ARHGEF6: variants seen among roughly 807,000 people sequenced by gnomAD.
ARHGEF6 encodes the protein rho guanine nucleotide exchange factor 6.
Under a neutral mutation model 70.3 loss-of-function variants are expected in ARHGEF6, and 9 were observed. The observed-to-expected ratio is 0.13, with a 90% CI of 0.08 to 0.22. The LOEUF (loss-of-function observed/expected upper bound fraction) is 0.22, where lower values mean the gene tolerates loss of function less well. Among genes scored for constraint, ARHGEF6 ranks in the 10% least tolerant of loss-of-function variants. The probability of loss-of-function intolerance (pLI) is 1.00; values close to 1 mark genes in which losing one functional copy is unlikely to be tolerated. For synonymous variants in ARHGEF6, 201 were observed against 207.8 expected (o/e 0.97, Z 0.28); for missense variants, 470 against 563.0 (o/e 0.83, Z 1.67).
chrX:136,727,335 TTCTTTCTTTC>T (rs2076867164), intron 6 of ARHGEF6, among the ~76,000 whole-genome samples: 1 of 34,774 alleles, frequency 2.9e-5, no homozygotes, highest in African/African-American at 1.1e-4. Flanking sequence ...TTTTCTTTCT[TTCTTTCTTTC>T]TTTCTTTCTT....
intron 21 of ARHGEF6, 120 bp downstream of exon 21, chrX:136,669,362 G>A: frequency 3.2e-6 from 2 of 632,564 alleles, no homozygotes; most frequent in East Asian, 3.3e-5. Flanking sequence ...ATGACACAAG[G>A]AAAACAAAAA....
chrX:136,701,483 TGAAGGAAAAAAATGACAACCTA>T (rs1218681814), intron 9 of ARHGEF6, among the ~76,000 whole-genome samples: 1 of 110,924 alleles, frequency 9.0e-6, no homozygotes, highest in Non-Finnish European at 1.9e-5. Context: ...TTTAAAGTGT[TGAAGGAAAAAAATGACAACCTA>T]GAATTCTGAA....
chrX:136,680,819 C>A lies in ARHGEF6; in HGVS notation c.1616G>T (p.Trp539Leu). 1 of 1,211,698 alleles carries A rather than the reference C, an allele frequency of 8.3e-7. No homozygotes were observed. The highest frequency in any genetic ancestry group is 1.8e-5 in the South Asian group (1 of 56,993). The change falls in exon 15 of 22, where the codon TGG (tryptophan) becomes TTG (leucine). Residue 539 changes from tryptophan to leucine, a missense_variant. Physicochemically the swap from Trp to Leu is moderately conservative, Grantham distance 61. Around this residue, in one of 3 missense-constraint regions of ARHGEF6, gnomAD observed 379 missense variants for 449.3 expected, o/e 0.84. Transcript: ENST00000250617. ...GATCAGTCTGTTCAGCTGCTCCAACCATTCCTGGAAGTCCTGGTTGTTGTT... is the reference window on the plus strand; with the variant it reads ...GATCAGTCTGTTCAGCTGCTCCAACAATTCCTGGAAGTCCTGGTTGTTGTT... ...HCNNNQDFQE[W>L]LEQLNRLIRG...
At chrX:136,720,056 A>C (rs1806327815) in intron 6 of ARHGEF6, among the ~76,000 whole-genome samples, 1 of 112,013 alleles carries the variant, frequency 8.9e-6, no homozygotes, top group Admixed American at 9.5e-5. Flanking sequence ...AATTCTACTA[A>C]ACATTTAAGG....
In ARHGEF6 at chrX:136,767,590, G is replaced by A. The variant is rs2077330402; in HGVS notation, c.249+11824C>T. ...GGGGGTGCCGGAGGCGCGCCCCGCTGGGTGCGCTGGCTGCGAGCCGGGCGA... is the reference window on the plus strand; with the variant it reads ...GGGGGTGCCGGAGGCGCGCCCCGCTAGGTGCGCTGGCTGCGAGCCGGGCGA... On this transcript the variant is annotated intron_variant, in intron 2 of 21. Coordinates refer to ENST00000250617, the MANE Select transcript of ARHGEF6 (RefSeq NM_004840.3). The A allele has an allele frequency of 1.5e-5, 11 of 753,379 alleles. No individual in the cohort carries two copies. The South Asian group carries it at 6.8e-4, about 46-fold the overall frequency. The allele number at this position is 753,379 out of a possible 1,213,427, so 62.1% of individuals were successfully genotyped here. A position where few individuals can be genotyped will look rare whatever the true frequency, so the allele number is the denominator to read the frequency against.
chrX:136,713,498 G>A, intron 6 of ARHGEF6, 128 bp from the exon 7 acceptor site: 2 of 493,185 alleles, frequency 4.1e-6, no homozygotes, highest in Non-Finnish European at 7.0e-6. Context: ...TTGCAAGCAA[G>A]GAACACAAAA....
intron 20 of ARHGEF6, among the ~76,000 whole-genome samples, chrX:136,670,076 C>G (rs751005913): frequency 1.5e-4 from 17 of 111,607 alleles, no homozygotes; most frequent in African/African-American, 5.5e-4. Flanking sequence ...GGTATTGGTT[C>G]AAGGACCCCC....
At chrX:136,747,656 T>G (rs1473189986) in intron 2 of ARHGEF6, 64 bp from the exon 3 acceptor site, 2 of 372,901 alleles carry the variant, frequency 5.4e-6, no homozygotes, top group East Asian at 1.3e-4. Flanking sequence ...AACAAAACTA[T>G]CAAAAGGCCA....
chrX:136,779,470 C>T lies in ARHGEF6; in HGVS notation c.193G>A (p.Asp65Asn). 8.3e-6 allele frequency: 10 copies of T among 1,211,164 alleles called. No individual in the cohort carries two copies. Among genetic ancestry groups the T allele is most frequent in the Non-Finnish European group, 1.0e-5 (9 of 895,029 alleles). ...AAGTCATTGATGTTGTTGATGCAGT[C>T]AGCTTCAGTTTGGGGATCCAGACAA... ...KFCLDPQTEA[D>N]CINNINDFLK... The change falls in exon 2 of 22, where the codon GAC becomes AAC. Residue 65 changes from aspartate (D) to asparagine (N), a missense_variant. This residue lies in a region of ARHGEF6 where 379 missense variants were observed against 449.3 expected (regional missense o/e 0.84). Coordinates refer to ENST00000250617, the MANE Select transcript of ARHGEF6 (RefSeq NM_004840.3).
intron 2 of ARHGEF6, among the ~76,000 whole-genome samples, chrX:136,750,214 C>T (rs970083881): frequency 3.6e-5 from 4 of 112,178 alleles, no homozygotes; most frequent in African/African-American, 9.7e-5. Context: ...TTTTCTAGGA[C>T]TAATCCCACT....
At chrX:136,685,147 T>C (rs1300331329) in intron 12 of ARHGEF6, among the ~76,000 whole-genome samples, 1 of 111,473 alleles carries the variant, frequency 9.0e-6, no homozygotes, top group Non-Finnish European at 1.9e-5. Flanking sequence ...ATTTCTGTTC[T>C]CTCCTAAGAT....
chrX:136,677,934 A>G lies in ARHGEF6; in HGVS notation c.1851+2T>C, dbSNP rs2076296387. 8.3e-7 allele frequency: 1 copy of G among 1,199,821 alleles called. No homozygotes were observed. The highest frequency in any genetic ancestry group is 1.1e-6 in the Non-Finnish European group (1 of 885,992). On this transcript the variant is annotated splice_donor_variant, in intron 17 of 21. Transcript: ENST00000250617. LOFTEE classifies it high-confidence loss of function. ...AAGCCAAAGATATTGTACTACCCTT[A>G]CCTTTAAGATATAAGACATCCTCTA...
At chrX:136,684,424 CAG>C (rs1247266321) in intron 12 of ARHGEF6, among the ~76,000 whole-genome samples, 1 of 111,981 alleles carries the variant, frequency 8.9e-6, no homozygotes, top group African/African-American at 3.3e-5. Context: ...AAAGACGTGT[CAG>C]AGAGCGTAGG....
At chrX:136,730,250 C>T (rs944994066) in intron 6 of ARHGEF6, among the ~76,000 whole-genome samples, 1 of 111,077 alleles carries the variant, frequency 9.0e-6, no homozygotes, top group Non-Finnish European at 1.9e-5. Flanking sequence ...GGGCACTTTT[C>T]ATGTGAGTGA....
intron 12 of ARHGEF6, among the ~76,000 whole-genome samples, chrX:136,684,973 A>G (rs2076369848): frequency 9.0e-6 from 1 of 111,460 alleles, no homozygotes; most frequent in Non-Finnish European, 1.9e-5. Flanking sequence ...CTCTTTCATT[A>G]TTTCCCATGG....
At chrX:136,763,747 C>T (rs1179935755) in intron 2 of ARHGEF6, among the ~76,000 whole-genome samples, 1 of 111,501 alleles carries the variant, frequency 9.0e-6, no homozygotes, top group Non-Finnish European at 1.9e-5. Context: ...ATCGCTTGTA[C>T]CTAGGAGGCA....
chrX:136,670,085 C>T lies in ARHGEF6; in HGVS notation c.2136-549G>A, dbSNP rs754675243. The stretch of plus-strand genomic sequence containing the variant: ...CCATGGGGTATTGGTTCAAGGACCC[C>T]CATGGATACCAAAATCCACAGATGC... On this transcript the variant is annotated intron_variant, in intron 20 of 21. Coordinates refer to ENST00000250617, the MANE Select transcript of ARHGEF6 (RefSeq NM_004840.3). Among the ~76,000 whole-genome samples, 248 of 111,469 alleles carry T rather than the reference C, an allele frequency of 2.2e-3. 1 individual carries two copies. Among genetic ancestry groups the T allele is most frequent in the African/African-American group, 7.7e-3 (236 of 30,601 alleles).
chrX:136,727,400 TC>T (rs1569411056), intron 6 of ARHGEF6, among the ~76,000 whole-genome samples: 36 of 92,504 alleles, frequency 3.9e-4, no homozygotes, highest in African/African-American at 1.4e-3. Flanking sequence ...TTTCTTTCTC[TC>T]TCTCTCTCTC....
intron 15 of ARHGEF6, among the ~76,000 whole-genome samples, chrX:136,680,281 C>T (rs760407872): frequency 8.9e-6 from 1 of 112,512 alleles, no homozygotes; most frequent in Admixed American, 9.4e-5. Flanking sequence ...GGAGATAATG[C>T]TAAAAGTTTA....
Sources: allele counts gnomAD v4.1 joint callset (sites outside exome capture counted in the v4.1 genomes callset), GRCh38; gene constraint gnomAD v4.1.1; regional missense constraint gnomAD v4.1.1; transcripts MANE v1.5; gene names NCBI Gene and HGNC (gene_info 2026-07-23, HGNC 2026-07-21).